Variants in SLC52A1 observed in about 807,000 individuals in gnomAD.
SLC52A1 encodes solute carrier family 52 member 1.
In SLC52A1, 20 loss-of-function variants were observed where a neutral mutation model predicts 23.2. The ratio of observed to expected loss-of-function variants is 0.86; its 90% CI spans 0.61 to 1.25. SLC52A1 has a LOEUF of 1.25. Ranked by LOEUF, SLC52A1 falls within the 50% of genes most tolerant of loss-of-function variation. The pLI, the probability that SLC52A1 is intolerant of heterozygous loss-of-function variation, is 0.00. For missense variants in SLC52A1, 528 were observed against 557.0 expected (o/e 0.95, Z 0.52); for synonymous variants, 260 against 256.6 (o/e 1.01, Z -0.13).
At chr17:5,041,863 CG>C (rs1444386140) in intron 1 of SLC52A1, among the ~76,000 whole-genome samples, 6 of 152,124 alleles carry the variant, frequency 3.9e-5, no homozygotes, top group Non-Finnish European at 8.8e-5. Context: ...CCACCTGCCT[CG>C]GCCTCCCAAA....
chr17:5,036,040 CTTT>C (rs34027393), upstream of SLC52A1, among the ~76,000 whole-genome samples: 7 of 69,794 alleles, frequency 1.0e-4, no homozygotes, highest in Admixed American at 2.2e-4. Context: ...TGTTTTTACA[CTTT>C]TTTTTTTTTT....
At chr17:5,040,634 C>A (rs1975531640) in intron 1 of SLC52A1, among the ~76,000 whole-genome samples, 1 of 152,056 alleles carries the variant, frequency 6.6e-6, no homozygotes, top group African/African-American at 2.4e-5. Flanking sequence ...ACCAAGGGGA[C>A]CGAAGGTCTA....
Position 5,033,008 on chromosome 17 carries a change from G to C in SLC52A1, c.1296C>G (p.Ile432Met), listed in dbSNP as rs1975348409. The C allele has an allele frequency of 6.2e-7, 1 of 1,613,858 alleles. No individual in the cohort carries two copies. Among genetic ancestry groups the C allele is most frequent in the Non-Finnish European group, 8.5e-7 (1 of 1,180,034 alleles). ...GAGAMFPPTS[I>M]YHVFQSRKDC... ...CCTTTCTGCTTTGAAACACGTGGTAGATGCTGGTGGGAGGGAACATGGCAC... is the reference window on the plus strand; with the variant it reads ...CCTTTCTGCTTTGAAACACGTGGTACATGCTGGTGGGAGGGAACATGGCAC... Residue 432 changes from isoleucine to methionine, a missense_variant, in exon 5 of 5, where the codon ATC (isoleucine) becomes ATG (methionine). Physicochemically the swap from Ile to Met is conservative, Grantham distance 10. Coordinates refer to ENST00000254853, the MANE Select transcript of SLC52A1 (RefSeq NM_017986.4).
chr17:5,037,945 G>C (rs1975495122), upstream of SLC52A1, among the ~76,000 whole-genome samples: 1 of 129,458 alleles, frequency 7.7e-6, no homozygotes. Flanking sequence ...TTGAGACGGA[G>C]TCTCACTGTG....
chr17:5,032,683 T>G lies in SLC52A1; in HGVS notation c.*274A>C, dbSNP rs565347501. 23 of 372,432 alleles carry G rather than the reference T, an allele frequency of 6.2e-5. No individual in the cohort carries two copies. The South Asian group carries it at 1.3e-3, about 21-fold the overall frequency. 23.1% of individuals were successfully genotyped at this position (372,432 alleles called of 1,614,324 possible). ...GGTTTTCATTAGGCTTTTGTTTTTGTTTTTGGTTTTAAATAAAAACACTTT... is the reference window on the plus strand; with the variant it reads ...GGTTTTCATTAGGCTTTTGTTTTTGGTTTTGGTTTTAAATAAAAACACTTT... On this transcript the variant is annotated 3_prime_UTR_variant, in exon 5 of 5. Transcript: ENST00000254853.
At chr17:5,040,610 G>A (rs923507544) in intron 1 of SLC52A1, among the ~76,000 whole-genome samples, 5 of 152,040 alleles carry the variant, frequency 3.3e-5, no homozygotes, top group Non-Finnish European at 7.4e-5. Context: ...TTGGGGTCTG[G>A]TGCACGGGGA....
upstream of SLC52A1, among the ~76,000 whole-genome samples, chr17:5,039,720 C>T (rs139619899): frequency 0.069 from 10,562 of 152,230 alleles, 452 homozygotes; most frequent in Middle Eastern, 0.13. Flanking sequence ...GATCCGCCCG[C>T]CTCGGCCTCC....
At position 5,033,259 on chromosome 17, in the gene SLC52A1, A is replaced by T; in HGVS notation, c.1134+2T>A. 6.2e-7 allele frequency: 1 copy of T among 1,613,600 alleles called. No homozygotes were observed. The highest frequency in any genetic ancestry group is 2.2e-5 in the East Asian group (1 of 44,858). On this transcript the variant is annotated splice_donor_variant, in intron 4 of 4. Coordinates refer to ENST00000254853, the MANE Select transcript of SLC52A1 (RefSeq NM_017986.4). LOFTEE classifies it high-confidence loss of function. Reference sequence around the variant, plus strand: ...CCCCACTTCATGTCTCCACTTGCTCACCACAAGGACCACCCCTGCAGTGGT... The same window carrying T: ...CCCCACTTCATGTCTCCACTTGCTCTCCACAAGGACCACCCCTGCAGTGGT...
Position 5,034,585 on chromosome 17 carries a change from G to A in SLC52A1, c.22C>T (p.Arg8Cys), listed in dbSNP as rs750821700. 8.7e-6 allele frequency: 14 copies of A among 1,614,046 alleles called. No individual in the cohort carries two copies. Among genetic ancestry groups the A allele is most frequent in the Admixed American group, 3.3e-5 (2 of 59,998 alleles). The change falls in exon 2 of 5, where the codon CGT becomes TGT. Residue 8 changes from arginine (R) to cysteine (C), a missense_variant. Physicochemically the swap from Arg to Cys is radical, Grantham distance 180 (BLOSUM62 -3). Transcript: ENST00000254853. The stretch of plus-strand genomic sequence containing the variant: ...ACCAGCAGGTGGGTCAGCACCAGAC[G>A]GCCCAGCGTGGGTGCTGCCATTCAG... MAAPTLG[R>C]LVLTHLLVAL...
chr17:5,036,206 C>T (rs1260116451), upstream of SLC52A1, among the ~76,000 whole-genome samples: 39 of 149,586 alleles, frequency 2.6e-4, no homozygotes, highest in Admixed American at 2.6e-3. Flanking sequence ...TAATTTTTGT[C>T]TTTTTAGTGC....
chr17:5,036,884 A>G (rs1036714382), upstream of SLC52A1, among the ~76,000 whole-genome samples: 1 of 152,168 alleles, frequency 6.6e-6, no homozygotes, highest in African/African-American at 2.4e-5. Context: ...CAGTAGCACA[A>G]TCACAGCTCA....
rs1193997030 is a variant in SLC52A1 at position 5,032,871 on chromosome 17, C to G, written c.*86G>C. On this transcript the variant is annotated 3_prime_UTR_variant, in exon 5 of 5. Coordinates refer to ENST00000254853, the MANE Select transcript of SLC52A1 (RefSeq NM_017986.4). ...ATGAGCGTTCCTGTGTTGGGGGAAGCCTGCCTGGGCCACAAGTAGTCAGGC... is the reference window on the plus strand; with the variant it reads ...ATGAGCGTTCCTGTGTTGGGGGAAGGCTGCCTGGGCCACAAGTAGTCAGGC... 7.8e-7 allele frequency: 1 copy of G among 1,284,858 alleles called. No individual in the cohort carries two copies. The highest frequency in any genetic ancestry group is 1.1e-6 in the Non-Finnish European group (1 of 910,262). The allele number at this position is 1,284,858 out of a possible 1,614,324, so 79.6% of individuals were successfully genotyped here. A position where few individuals can be genotyped will look rare whatever the true frequency, so the allele number is the denominator to read the frequency against.
At chr17:5,040,226 T>C (rs1365209086), upstream of SLC52A1, among the ~76,000 whole-genome samples, 1 of 152,042 alleles carries the variant, frequency 6.6e-6, no homozygotes, top group Non-Finnish European at 1.5e-5. Context: ...CAGGCTGGAG[T>C]GCAGTGGTGT....
chr17:5,037,196 AACCC>A (rs2143447606), upstream of SLC52A1, among the ~76,000 whole-genome samples: 2 of 152,278 alleles, frequency 1.3e-5, no homozygotes, highest in African/African-American at 4.8e-5. Flanking sequence ...CGTATTTCCT[AACCC>A]GTGAAAACTA....
chr17:5,034,093 G>C lies in SLC52A1; in HGVS notation c.396C>G (p.Phe132Leu), dbSNP rs143199804. Reference sequence around the variant, plus strand: ...GTGGCAGGTGGCTCAGGAAGGGCAGGAAAGTGACATTAGAGGTACAACAGG... The same window carrying C: ...GTGGCAGGTGGCTCAGGAAGGGCAGCAAAGTGACATTAGAGGTACAACAGG... ...AMACCTSNVT[F>L]LPFLSHLPPP... Residue 132 changes from phenylalanine to leucine, a missense_variant, in exon 3 of 5, where the codon TTC becomes TTG. Transcript: ENST00000254853. 71 of 1,614,076 alleles carry C rather than the reference G, an allele frequency of 4.4e-5. No individual in the cohort carries two copies. The highest frequency in any genetic ancestry group is 5.8e-5 in the Non-Finnish European group (68 of 1,180,026).
upstream of SLC52A1, among the ~76,000 whole-genome samples, chr17:5,037,428 A>C (rs1383986561): frequency 6.6e-6 from 1 of 152,124 alleles, no homozygotes; most frequent in African/African-American, 2.4e-5. Flanking sequence ...CTGAGATATG[A>C]GAATCGCTTG....
chr17:5,035,914 C>T (rs1975444784), upstream of SLC52A1, among the ~76,000 whole-genome samples: 1 of 111,536 alleles, frequency 9.0e-6, no homozygotes, highest in African/African-American at 3.5e-5. Flanking sequence ...GAGACAAGGT[C>T]TCACTATGTT....
chr17:5,033,883 G>A lies in SLC52A1; in HGVS notation c.606C>T (p.Ala202=), dbSNP rs1304363896. The A allele has an allele frequency of 6.2e-7, 1 of 1,614,246 alleles. No individual in the cohort carries two copies. Among genetic ancestry groups the A allele is most frequent in the Admixed American group, 1.7e-5 (1 of 60,036 alleles). The change falls in exon 3 of 5, where the codon GCC becomes GCT. Residue 202 remains alanine (A), a synonymous_variant. Coordinates refer to ENST00000254853, the MANE Select transcript of SLC52A1 (RefSeq NM_017986.4). Reference sequence around the variant, plus strand: ...AGGCGGCAGCTGAAGTGACCAGAAGGGCAGTCAGTGCCCAGAAGAAGGTGC... The same window carrying A: ...AGGCGGCAGCTGAAGTGACCAGAAGAGCAGTCAGTGCCCAGAAGAAGGTGC... ...PASTFFWALT[A]LLVTSAAAFR... is the part of the protein sequence containing the mutation.
chr17:5,038,438 T>G (rs895732278), upstream of SLC52A1, among the ~76,000 whole-genome samples: 5 of 152,020 alleles, frequency 3.3e-5, no homozygotes, highest in African/African-American at 4.8e-5. Context: ...CCTAGGTGAC[T>G]CTGATGTGCA....
Sources: allele counts gnomAD v4.1 joint callset (sites outside exome capture counted in the v4.1 genomes callset), GRCh38; gene constraint gnomAD v4.1.1; transcripts MANE v1.5; gene names NCBI Gene and HGNC (gene_info 2026-07-23, HGNC 2026-07-21).